Variants in SLC35C1 observed in about 807,000 individuals in gnomAD.
The protein encoded by SLC35C1 is GDP-fucose transporter 1.
In SLC35C1, 8 loss-of-function variants were observed where a neutral mutation model predicts 23.2. That is an observed-to-expected ratio of 0.35 (90% confidence interval 0.20 to 0.62). The LOEUF is 0.62. Among genes scored for constraint, SLC35C1 ranks in the 20% least tolerant of loss-of-function variants. The probability of loss-of-function intolerance (pLI) is 0.75; values close to 1 mark genes in which losing one functional copy is unlikely to be tolerated. For missense variants in SLC35C1, 422 were observed against 478.6 expected (o/e 0.88, Z 1.10); for synonymous variants, 226 against 225.1 (o/e 1.00, Z -0.04).
rs1139266 is a variant in SLC35C1 at position 45,811,384 on chromosome 11, G to A, written c.*49G>A. Reference sequence around the variant, plus strand: ...CCGGCCCCGGGGCCCGTACACAGGCGGGGCCAGCACAGTAGTGAAGGCGGT... The same window carrying A: ...CCGGCCCCGGGGCCCGTACACAGGCAGGGCCAGCACAGTAGTGAAGGCGGT... On this transcript the variant is annotated 3_prime_UTR_variant, in exon 2 of 2. Coordinates refer to ENST00000314134, the MANE Select transcript of SLC35C1 (RefSeq NM_018389.5). The A allele has an allele frequency of 0.71, 1,011,358 of 1,424,788 alleles. 373,827 individuals carry two copies. The highest frequency in any genetic ancestry group is 0.76 in the Non-Finnish European group (827,436 of 1,087,544). 88.3% of individuals were successfully genotyped at this position (1,424,788 alleles called of 1,614,324 possible).
At position 45,805,750 on chromosome 11, in the gene SLC35C1, A is replaced by C; in HGVS notation, c.-52A>C. ...AGCACAAGTGAGCTCACTGCCCTGG[A>C]CTCCAGGGAATCAGAGTTCTGGCCG... On this transcript the variant is annotated 5_prime_UTR_variant, in exon 1 of 2. Transcript: ENST00000314134. 6.2e-7 allele frequency: 1 copy of C among 1,605,056 alleles called. No individual in the cohort carries two copies. Among genetic ancestry groups the C allele is most frequent in the Non-Finnish European group, 8.5e-7 (1 of 1,179,732 alleles).
intron 1 of SLC35C1, among the ~76,000 whole-genome samples, chr11:45,807,582 C>A (rs2085890558): frequency 6.6e-6 from 1 of 152,160 alleles, no homozygotes; most frequent in Non-Finnish European, 1.5e-5. Context: ...GCCTACATAT[C>A]ATATTCTTTG....
chr11:45,808,028 A>G (rs2085895663), intron 1 of SLC35C1, among the ~76,000 whole-genome samples: 1 of 152,202 alleles, frequency 6.6e-6, no homozygotes, highest in African/African-American at 2.4e-5. Flanking sequence ...AGAATGGTGC[A>G]TTCACGGGCG....
In SLC35C1 at chr11:45,805,333, C is replaced by CCCGG; in HGVS notation, c.-469_-468insCCGG. On this transcript the variant is annotated 5_prime_UTR_variant, in exon 1 of 2. Coordinates refer to ENST00000314134, the MANE Select transcript of SLC35C1 (RefSeq NM_018389.5). ...CAGCTCCCTGTACGCCTCCCTCCCC[C>CCCGG]TGCCCGCCCCTCCCTCCCACAGCCG... is the stretch of plus-strand genomic sequence containing the variant. The CCCGG allele has an allele frequency of 1.0e-6, 1 of 988,700 alleles. No homozygotes were observed. Among genetic ancestry groups the CCCGG allele is most frequent in the Non-Finnish European group, 1.2e-6 (1 of 822,138 alleles). The allele number at this position is 988,700 out of a possible 1,614,324, so 61.2% of individuals were successfully genotyped here. A position where few individuals can be genotyped will look rare whatever the true frequency, so the allele number is the denominator to read the frequency against.
rs1411999441 is a variant in SLC35C1, at chr11:45,811,380, A to G, written c.*45A>G. Reference sequence around the variant, plus strand: ...TGGCCCGGCCCCGGGGCCCGTACACAGGCGGGGCCAGCACAGTAGTGAAGG... The same window carrying G: ...TGGCCCGGCCCCGGGGCCCGTACACGGGCGGGGCCAGCACAGTAGTGAAGG... On this transcript the variant is annotated 3_prime_UTR_variant, in exon 2 of 2. Coordinates refer to ENST00000314134, the MANE Select transcript of SLC35C1 (RefSeq NM_018389.5). 1.4e-6 allele frequency: 2 copies of G among 1,428,938 alleles called. No individual in the cohort carries two copies. The highest frequency in any genetic ancestry group is 5.6e-5 in the Admixed American group (2 of 35,760). 88.5% of individuals were successfully genotyped at this position (1,428,938 alleles called of 1,614,324 possible).
At chr11:45,805,098 G>A, upstream of SLC35C1, 1 of 985,916 alleles carries the variant, frequency 1.0e-6, no homozygotes, top group South Asian at 4.7e-5. Context: ...TTAAGGCCAC[G>A]TGGGGGCGTG....
chr11:45,812,900 G>A lies in SLC35C1; in HGVS notation c.*1565G>A, dbSNP rs979020789. On this transcript the variant is annotated 3_prime_UTR_variant, in exon 2 of 2. Coordinates refer to ENST00000314134, the MANE Select transcript of SLC35C1 (RefSeq NM_018389.5). ...ACTCTATATAGTGAAAAGCTAGGGAGAGCGGGTCTTCTCCCCCCTCCCTCT... is the reference window on the plus strand; with the variant it reads ...ACTCTATATAGTGAAAAGCTAGGGAAAGCGGGTCTTCTCCCCCCTCCCTCT... 6.5e-6 allele frequency: 2 copies of A among 310,030 alleles called. No homozygotes were observed. The highest frequency in any genetic ancestry group is 2.2e-5 in the African/African-American group (1 of 46,336). 19.2% of individuals were successfully genotyped at this position (310,030 alleles called of 1,614,324 possible).
Position 45,812,784 on chromosome 11 carries a change from A to G in SLC35C1, c.*1449A>G, listed in dbSNP as rs2085965173. ...TCGGGGCCATACCACCCTTCACCAC[A>G]CCCTCCTGCGCTCAGGGTGGCTTGC... On this transcript the variant is annotated 3_prime_UTR_variant, in exon 2 of 2. Coordinates refer to ENST00000314134, the MANE Select transcript of SLC35C1 (RefSeq NM_018389.5). 2 of 407,938 alleles carry G rather than the reference A, an allele frequency of 4.9e-6. No homozygotes were observed. Among genetic ancestry groups the G allele is most frequent in the Non-Finnish European group, 9.9e-6 (2 of 201,056 alleles). The allele number at this position is 407,938 out of a possible 1,614,324, so 25.3% of individuals were successfully genotyped here.
upstream of SLC35C1, chr11:45,804,647 C>A (rs1488409729): frequency 4.1e-6 from 4 of 985,516 alleles, no homozygotes; most frequent in African/African-American, 5.2e-5. Context: ...GGAGCGCTGC[C>A]GGGGGTCTCG....
chr11:45,812,708 G>A lies in SLC35C1; in HGVS notation c.*1373G>A. The A allele has an allele frequency of 6.6e-6, 3 of 452,316 alleles. No individual in the cohort carries two copies. The highest frequency in any genetic ancestry group is 1.6e-5 in the South Asian group (1 of 64,490). 28.0% of individuals were successfully genotyped at this position (452,316 alleles called of 1,614,324 possible). A position where few individuals can be genotyped will look rare whatever the true frequency, so the allele number is the denominator to read the frequency against. On this transcript the variant is annotated 3_prime_UTR_variant, in exon 2 of 2. Transcript: ENST00000314134. ...ACCTCCTAATACTGTCACCTTGGGG[G>A]TGAGAATTCCAATGTGAATTTGCAG... is the stretch of plus-strand genomic sequence containing the variant.
At position 45,812,744 on chromosome 11, in the gene SLC35C1, G is replaced by A. The variant is rs887215999; in HGVS notation, c.*1409G>A. On this transcript the variant is annotated 3_prime_UTR_variant, in exon 2 of 2. Transcript: ENST00000314134. Reference sequence around the variant, plus strand: ...AATGTGAATTTGCAGGGGGAGTGGGGGACACACACAAATTTCGGGGCCATA... The same window carrying A: ...AATGTGAATTTGCAGGGGGAGTGGGAGACACACACAAATTTCGGGGCCATA... The A allele has an allele frequency of 9.0e-6, 4 of 442,638 alleles. No homozygotes were observed. The highest frequency in any genetic ancestry group is 1.8e-5 in the Non-Finnish European group (4 of 218,342). The allele number at this position is 442,638 out of a possible 1,614,324, so 27.4% of individuals were successfully genotyped here. A position where few individuals can be genotyped will look rare whatever the true frequency, so the allele number is the denominator to read the frequency against.
Position 45,806,241 on chromosome 11 carries a change from GCTCA to G in SLC35C1, c.446_449del (p.Leu149ProfsTer81). ...GGTGTGGCCTTCTACAATGTGGGCCGCTCACTCACCACCGTCTTCAACGTGCTGC... is the reference window on the plus strand; with the variant it reads ...GGTGTGGCCTTCTACAATGTGGGCCGCTCACCACCGTCTTCAACGTGCTGC... On this transcript the variant is annotated frameshift_variant, in exon 1 of 2. Coordinates refer to ENST00000314134, the MANE Select transcript of SLC35C1 (RefSeq NM_018389.5). LOFTEE classifies it high-confidence loss of function. 1.2e-6 allele frequency: 2 copies of G among 1,608,592 alleles called. No homozygotes were observed. The highest frequency in any genetic ancestry group is 1.7e-6 in the Non-Finnish European group (2 of 1,179,980).
chr11:45,805,375 G>C lies in SLC35C1; in HGVS notation c.-427G>C. 2 of 942,824 alleles carry C rather than the reference G, an allele frequency of 2.1e-6. No homozygotes were observed. Among genetic ancestry groups the C allele is most frequent in the Non-Finnish European group, 2.4e-6 (2 of 816,508 alleles). The allele number at this position is 942,824 out of a possible 1,614,324, so 58.4% of individuals were successfully genotyped here. ...CCACAGCCGCCCATGACGCCCTCTC[G>C]GCACCTCTTCCCACTCTGCCACGCG... On this transcript the variant is annotated 5_prime_UTR_variant, in exon 1 of 2. Coordinates refer to ENST00000314134, the MANE Select transcript of SLC35C1 (RefSeq NM_018389.5).
chr11:45,804,739 T>C (rs368917128), upstream of SLC35C1: 2 of 985,062 alleles, frequency 2.0e-6, no homozygotes, highest in East Asian at 1.1e-4. Flanking sequence ...TGAGCTCGGA[T>C]TGGCAGAGGG....
upstream of SLC35C1, chr11:45,805,117 T>C (rs1590741831): frequency 6.1e-6 from 6 of 985,874 alleles, no homozygotes; most frequent in African/African-American, 7.0e-5. Context: ...TGTCAGGAAG[T>C]GAGTCCAGGG....
In SLC35C1 at chr11:45,811,308, C is replaced by A; in HGVS notation, c.1068C>A (p.Asp356Glu). Residue 356 changes from aspartate (D) to glutamate (E), a missense_variant, in exon 2 of 2, where the codon GAC becomes GAA. Asp to Glu is a conservative substitution (Grantham distance 45). Coordinates refer to ENST00000314134, the MANE Select transcript of SLC35C1 (RefSeq NM_018389.5). ...KKTPEEPSPK[D>E]SEKSAMGV ...CTCCGGAGGAGCCCAGCCCCAAAGA[C>A]AGCGAGAAGAGCGCCATGGGGGTGT... is the stretch of plus-strand genomic sequence containing the variant. 1 of 1,539,912 alleles carries A rather than the reference C, an allele frequency of 6.5e-7. No homozygotes were observed. Among genetic ancestry groups the A allele is most frequent in the Non-Finnish European group, 8.7e-7 (1 of 1,152,046 alleles).
At position 45,805,547 on chromosome 11, in the gene SLC35C1, T is replaced by C; in HGVS notation, c.-255T>C. 2.1e-6 allele frequency: 3 copies of C among 1,419,286 alleles called. No homozygotes were observed. Among genetic ancestry groups the C allele is most frequent in the South Asian group, 1.5e-5 (1 of 68,668 alleles). 87.9% of individuals were successfully genotyped at this position (1,419,286 alleles called of 1,614,324 possible). A position where few individuals can be genotyped will look rare whatever the true frequency, so the allele number is the denominator to read the frequency against. ...TCTCTGTCCTGGCCTCACCGCCTTA[T>C]CCTATTCCTCTCCCTTGCCCTGTGT... On this transcript the variant is annotated 5_prime_UTR_variant, in exon 1 of 2. Transcript: ENST00000314134.
rs2085874230 is a variant in SLC35C1, at chr11:45,806,230, C to A, written c.429C>A (p.Tyr143Ter). ...TCAAGTACGTCGGTGTGGCCTTCTA[C>A]AATGTGGGCCGCTCACTCACCACCG... is the stretch of plus-strand genomic sequence containing the variant. ...LCLKYVGVAF[Y>*]NVGRSLTTVF... is the part of the protein sequence containing the mutation. The change falls in exon 1 of 2, where the codon TAC becomes TAA. Residue 143 changes from tyrosine (Y) to a stop codon, truncating the protein, a stop_gained. Coordinates refer to ENST00000314134, the MANE Select transcript of SLC35C1 (RefSeq NM_018389.5). LOFTEE classifies it high-confidence loss of function. The A allele has an allele frequency of 6.2e-7, 1 of 1,607,682 alleles. No homozygotes were observed. Among genetic ancestry groups the A allele is most frequent in the Non-Finnish European group, 8.5e-7 (1 of 1,180,002 alleles).
At chr11:45,808,989 C>T (rs1019674813) in intron 1 of SLC35C1, among the ~76,000 whole-genome samples, 2 of 152,220 alleles carry the variant, frequency 1.3e-5, no homozygotes, top group Admixed American at 6.5e-5. Flanking sequence ...GGTGACACAG[C>T]GAGACTCCGT....
Sources: gnomAD v4.1 joint callset for allele counts (sites outside exome capture counted in the v4.1 genomes callset) on GRCh38, gnomAD v4.1.1 for gene constraint, MANE v1.5 for transcripts, NCBI Gene and HGNC (gene_info 2026-07-23, HGNC 2026-07-21) for gene names.